Variants in CHST8 observed in about 807,000 individuals in gnomAD.
CHST8 encodes the protein carbohydrate sulfotransferase 8.
In CHST8, 10 loss-of-function variants were observed where a neutral mutation model predicts 15.0. That is an observed-to-expected ratio of 0.67 (90% confidence interval 0.41 to 1.13). CHST8 has a LOEUF of 1.13. Ranked by LOEUF, CHST8 falls within the 50% of genes most tolerant of loss-of-function variation. The pLI is 0.00. For missense variants in CHST8, 634 were observed against 608.2 expected (o/e 1.04, Z -0.45); for synonymous variants, 259 against 256.6 (o/e 1.01, Z -0.09).
intron 3 of CHST8, among the ~76,000 whole-genome samples, chr19:33,737,093 A>T (rs562298440): frequency 6.6e-6 from 1 of 152,196 alleles, no homozygotes; most frequent in African/African-American, 2.4e-5. Flanking sequence ...AAGGGGAGGG[A>T]CCCTCAGTTC....
chr19:33,626,005 C>T (rs1242599949), intron 1 of CHST8, among the ~76,000 whole-genome samples: 2 of 152,010 alleles, frequency 1.3e-5, no homozygotes, highest in South Asian at 2.1e-4. Context: ...CTGTCTTTGG[C>T]GCCATATTCA....
chr19:33,772,847 C>A lies in CHST8; in HGVS notation c.1059C>A (p.Asp353Glu), dbSNP rs953275703. 6.2e-7 allele frequency: 1 copy of A among 1,613,440 alleles called. No individual in the cohort carries two copies. Among genetic ancestry groups the A allele is most frequent in the East Asian group, 2.2e-5 (1 of 44,890 alleles). Reference protein sequence around the residue: ...DFVGKFESMEDDANFFLSLIR... With the variant: ...DFVGKFESMEEDANFFLSLIR... ...TAGGCAAGTTCGAGAGCATGGAGGA[C>A]GATGCCAACTTCTTCCTGAGCCTCA... Residue 353 changes from aspartate to glutamate, a missense_variant, in exon 5 of 5, where the codon GAC becomes GAA. Asp to Glu is a conservative substitution (Grantham distance 45). Coordinates refer to ENST00000650847, the MANE Select transcript of CHST8 (RefSeq NM_001127895.2).
intron 1 of CHST8, among the ~76,000 whole-genome samples, chr19:33,627,848 G>A (rs1417345849): frequency 6.6e-6 from 1 of 152,208 alleles, no homozygotes; most frequent in South Asian, 2.1e-4. Flanking sequence ...GGTGAGCAAA[G>A]CTAAGGGTGG....
chr19:33,698,876 G>A (rs1454676198), intron 3 of CHST8, among the ~76,000 whole-genome samples: 2 of 152,072 alleles, frequency 1.3e-5, no homozygotes, highest in African/African-American at 2.4e-5. Flanking sequence ...CTCACAGGTC[G>A]ACACACTCAC....
chr19:33,654,072 T>C (rs972087237), intron 1 of CHST8, among the ~76,000 whole-genome samples: 22 of 152,242 alleles, frequency 1.4e-4, no homozygotes, highest in African/African-American at 5.3e-4. Flanking sequence ...TGGGTGATTA[T>C]GTTAGATTCA....
chr19:33,623,640 G>A (rs973125530), intron 1 of CHST8, among the ~76,000 whole-genome samples: 5 of 152,174 alleles, frequency 3.3e-5, no homozygotes, highest in Admixed American at 6.5e-5. Flanking sequence ...TACCTGTGGG[G>A]AAGTCTTTCC....
intron 1 of CHST8, among the ~76,000 whole-genome samples, chr19:33,650,264 G>T (rs143412592): frequency 6.6e-6 from 1 of 152,128 alleles, no homozygotes; most frequent in African/African-American, 2.4e-5. Context: ...ATTTCTCTGG[G>T]TTCCTCTTGG....
chr19:33,628,489 G>A (rs1004870537), intron 1 of CHST8, among the ~76,000 whole-genome samples: 1 of 152,210 alleles, frequency 6.6e-6, no homozygotes, highest in Admixed American at 6.5e-5. Context: ...GGTCCATCAG[G>A]CTCTGTCTCC....
At chr19:33,644,203 G>A (rs918739393) in intron 1 of CHST8, among the ~76,000 whole-genome samples, 8 of 152,172 alleles carry the variant, frequency 5.3e-5, no homozygotes. Context: ...AAAGTGCTGG[G>A]ATTACAGGCA....
intron 1 of CHST8, among the ~76,000 whole-genome samples, chr19:33,637,449 C>G (rs1187889287): frequency 6.7e-6 from 1 of 148,862 alleles, no homozygotes; most frequent in Non-Finnish European, 1.5e-5. Flanking sequence ...GTCACCCAGG[C>G]TGGAGTGCAG....
intron 1 of CHST8, among the ~76,000 whole-genome samples, chr19:33,650,518 CTTTTTTTTTTT>C (rs869057036): frequency 8.3e-5 from 3 of 36,108 alleles, no homozygotes; most frequent in South Asian, 2.3e-3. Flanking sequence ...TTTTTCTTTT[CTTTTTTTTTTT>C]TTTTTTTTTT....
intron 3 of CHST8, among the ~76,000 whole-genome samples, chr19:33,764,401 A>G (rs549316442): frequency 2.3e-4 from 35 of 152,316 alleles, no homozygotes; most frequent in African/African-American, 8.4e-4. Flanking sequence ...TTGCGAGGCC[A>G]AAGCGGGAGG....
At chr19:33,724,488 C>T (rs117685227) in intron 3 of CHST8, among the ~76,000 whole-genome samples, 11,352 of 152,292 alleles carry the variant, frequency 0.075, 600 homozygotes, top group Middle Eastern at 0.12. Context: ...GGCTGGCAGC[C>T]GGGCTGCTCT....
intron 3 of CHST8, among the ~76,000 whole-genome samples, chr19:33,760,236 T>A (rs1490167202): frequency 6.6e-6 from 1 of 151,528 alleles, no homozygotes; most frequent in Non-Finnish European, 1.5e-5. Flanking sequence ...CTATAAAGCC[T>A]CTTTCTTGCC....
intron 1 of CHST8, among the ~76,000 whole-genome samples, chr19:33,635,706 C>T (rs943801334): frequency 1.3e-5 from 2 of 152,166 alleles, no homozygotes; most frequent in Non-Finnish European, 2.9e-5. Flanking sequence ...GGAGATACTG[C>T]GGTCCAGTTG....
At position 33,752,125 on chromosome 19, in the gene CHST8, G is replaced by A. The variant is rs538631798; in HGVS notation, c.131-19288G>A. Reference sequence around the variant, plus strand: ...GGACGAAGGGGAGGCTCCGCCTAGCGGGTATTGGACGCCCCAGCTGCCTGA... The same window carrying A: ...GGACGAAGGGGAGGCTCCGCCTAGCAGGTATTGGACGCCCCAGCTGCCTGA... On this transcript the variant is annotated intron_variant, in intron 3 of 4. Coordinates refer to ENST00000650847, the MANE Select transcript of CHST8 (RefSeq NM_001127895.2). 2.6e-5 allele frequency among the ~76,000 whole-genome samples: 4 copies of A among 152,240 alleles called. No homozygotes were observed. In the South Asian group the frequency reaches 8.3e-4, roughly 32 times the overall value.
intron 3 of CHST8, among the ~76,000 whole-genome samples, chr19:33,692,225 ATGAAGTTT>A (rs763757256): frequency 2.6e-5 from 4 of 152,234 alleles, no homozygotes; most frequent in Non-Finnish European, 5.9e-5. Context: ...CGATGCGAAG[ATGAAGTTT>A]TGTGTAACAG....
chr19:33,627,661 A>C (rs1310208451), intron 1 of CHST8, among the ~76,000 whole-genome samples: 1 of 152,208 alleles, frequency 6.6e-6, no homozygotes, highest in Admixed American at 6.5e-5. Context: ...GTTGGCCCTG[A>C]TGAGTGACAT....
intron 1 of CHST8, among the ~76,000 whole-genome samples, chr19:33,650,301 G>A (rs1286945024): frequency 1.3e-5 from 2 of 151,886 alleles, no homozygotes; most frequent in Non-Finnish European, 2.9e-5. Flanking sequence ...TTATTCAGTT[G>A]GGGGACTTAG....
Sources: gnomAD v4.1 joint callset for allele counts (sites outside exome capture counted in the v4.1 genomes callset) on GRCh38, gnomAD v4.1.1 for gene constraint, MANE v1.5 for transcripts, NCBI Gene and HGNC (gene_info 2026-07-23, HGNC 2026-07-21) for gene names.